FAM156A: variants seen among roughly 807,000 people sequenced by gnomAD.
The protein encoded by FAM156A is protein FAM156A/FAM156B.
chrX:52,986,185 G>A (rs1249206371), intron 1 of FAM156A, among the ~76,000 whole-genome samples: 1 of 107,596 alleles, frequency 9.3e-6, no homozygotes, highest in Non-Finnish European at 1.9e-5. Context: ...AGATCCCTGA[G>A]GAATCGCCAC....
At chrX:52,988,216 A>T (rs1299044933) in intron 1 of FAM156A, among the ~76,000 whole-genome samples, 6 of 107,285 alleles carry the variant, frequency 5.6e-5, no homozygotes, top group Non-Finnish European at 7.7e-5. Context: ...ACTGCACTCC[A>T]GCCTGGGCAA....
chrX:52,995,061 A>G (rs888690415), intron 1 of FAM156A, among the ~76,000 whole-genome samples: 19 of 111,591 alleles, frequency 1.7e-4, no homozygotes, highest in African/African-American at 6.2e-4. Flanking sequence ...ATTCAGACAC[A>G]ATCTGGACCC....
chrX:52,983,449 G>T (rs896410617), intron 1 of FAM156A, among the ~76,000 whole-genome samples: 37 of 111,451 alleles, frequency 3.3e-4, no homozygotes, highest in African/African-American at 1.2e-3. Context: ...TAACATCATA[G>T]CTGCCAGGGG....
At chrX:52,985,172 G>A (rs192780703) in intron 1 of FAM156A, among the ~76,000 whole-genome samples, 97 of 108,374 alleles carry the variant, frequency 9.0e-4, no homozygotes, top group African/African-American at 3.1e-3. Context: ...CTTCCCAAAT[G>A]TAAAATAATT....
At chrX:52,973,702 G>A (rs782426827) in intron 1 of FAM156A, among the ~76,000 whole-genome samples, 2 of 112,068 alleles carry the variant, frequency 1.8e-5, no homozygotes, top group South Asian at 3.7e-4. Context: ...TCCGTCTGTC[G>A]CCCAGGCTGG....
At chrX:52,990,904 G>A (rs1930717721) in intron 1 of FAM156A, among the ~76,000 whole-genome samples, 1 of 111,565 alleles carries the variant, frequency 9.0e-6, no homozygotes, top group African/African-American at 3.3e-5. Flanking sequence ...GGACCAGGAA[G>A]GCCTCGGCAA....
At chrX:52,973,589 A>G (rs1454696345) in intron 1 of FAM156A, among the ~76,000 whole-genome samples, 2 of 94,176 alleles carry the variant, frequency 2.1e-5, no homozygotes, top group African/African-American at 7.9e-5. Flanking sequence ...CTTGGGTCAG[A>G]AGGAAAATAG....
intron 1 of FAM156A, among the ~76,000 whole-genome samples, chrX:52,983,909 A>T (rs782046799): frequency 1.4e-3 from 157 of 112,578 alleles, no homozygotes; most frequent in Non-Finnish European, 2.6e-3. Context: ...CAAAAGGTTC[A>T]TCACCCATTA....
chrX:52,975,846 C>T (rs1268661034), intron 1 of FAM156A, among the ~76,000 whole-genome samples: 1 of 111,945 alleles, frequency 8.9e-6, no homozygotes, highest in African/African-American at 3.2e-5. Context: ...TCTAAGGAGA[C>T]GTCATAAAGA....
chrX:52,979,863 G>A (rs1323629370), intron 1 of FAM156A, among the ~76,000 whole-genome samples: 1 of 112,410 alleles, frequency 8.9e-6, no homozygotes, highest in Admixed American at 9.4e-5. Flanking sequence ...CCTCTGTACC[G>A]ACTGCAACAT....
intron 1 of FAM156A, among the ~76,000 whole-genome samples, chrX:52,991,627 C>T (rs1027771288): frequency 8.9e-6 from 1 of 112,295 alleles, no homozygotes; most frequent in Non-Finnish European, 1.9e-5. Context: ...TTCTCCTCTA[C>T]AGGGTGGGCA....
chrX:52,976,308 G>A (rs1424184575), intron 1 of FAM156A, among the ~76,000 whole-genome samples: 2 of 111,045 alleles, frequency 1.8e-5, no homozygotes, highest in African/African-American at 6.6e-5. Flanking sequence ...GCCAGGCATA[G>A]TGGTGCATAC....
At chrX:52,978,918 T>C (rs1406677789) in intron 1 of FAM156A, among the ~76,000 whole-genome samples, 1 of 112,242 alleles carries the variant, frequency 8.9e-6, no homozygotes, top group Non-Finnish European at 1.9e-5. Context: ...CACGTTTCCA[T>C]GAAAGTTAGA....
rs1045210580 is a variant in FAM156A, at chrX:52,993,576, G to A, written c.-434+1730C>T. Among the ~76,000 whole-genome samples, 3 of 109,502 alleles carry A rather than the reference G, an allele frequency of 2.7e-5. No homozygotes were observed. The East Asian group carries it at 8.5e-4, about 31-fold the overall frequency. ...ATTATAGGTGTCTGCCACCACGCCT[G>A]GCTAATTTTTGTATTTTCAGTAGAG... On this transcript the variant is annotated intron_variant, in intron 1 of 4. Coordinates refer to the FAM156A transcript ENST00000610625.
upstream of FAM156A, chrX:52,995,415 C>T (rs1362356836): frequency 1.8e-5 from 2 of 112,913 alleles, no homozygotes; most frequent in African/African-American, 3.2e-5. Flanking sequence ...AGCCACACAC[C>T]CTCCTCGCTC....
chrX:52,988,383 T>A (rs1163748053), intron 1 of FAM156A, among the ~76,000 whole-genome samples: 1 of 102,566 alleles, frequency 9.7e-6, no homozygotes, highest in African/African-American at 3.6e-5. Flanking sequence ...AATAGTATAG[T>A]GATAAGAGAA....
chrX:52,973,749 G>A (rs1180589523), intron 1 of FAM156A, among the ~76,000 whole-genome samples: 10 of 111,481 alleles, frequency 9.0e-5, no homozygotes, highest in East Asian at 2.8e-4. Flanking sequence ...TGCAACCTCC[G>A]CCTTCCAGGT....
intron 1 of FAM156A, among the ~76,000 whole-genome samples, chrX:52,981,794 C>T (rs868927522): frequency 1.8e-5 from 2 of 109,938 alleles, no homozygotes; most frequent in South Asian, 7.8e-4. Context: ...TCAACATACT[C>T]ACAGAAATTT....
intron 1 of FAM156A, among the ~76,000 whole-genome samples, chrX:52,992,995 G>C (rs1930890441): frequency 9.0e-6 from 1 of 111,666 alleles, no homozygotes. Flanking sequence ...CCCTCTTTTA[G>C]GAATTTCAGG....
Sources: gnomAD v4.1 joint callset for allele counts (sites outside exome capture counted in the v4.1 genomes callset) on GRCh38, gnomAD v4.1.1 for gene constraint, MANE v1.5 for transcripts, NCBI Gene and HGNC (gene_info 2026-07-23, HGNC 2026-07-21) for gene names.